Variants in INSR observed in about 807,000 individuals in gnomAD.
INSR encodes the protein insulin receptor, also known as IR.
A neutral mutation model predicts 142.6 loss-of-function variants in INSR; 67 were observed. That is an observed-to-expected ratio of 0.47 (90% CI 0.39 to 0.58). The LOEUF is 0.58. Ranked by LOEUF, INSR falls within the 20% of genes least tolerant of loss-of-function variation. The pLI is 0.00. For synonymous variants in INSR, 756 were observed against 743.1 expected (o/e 1.02, Z -0.28); for missense variants, 1,248 against 1,833.2 (o/e 0.68, Z 5.83).
intron 9 of INSR, among the ~76,000 whole-genome samples, chr19:7,153,221 ACGCAC>A (rs1973463993): frequency 5.4e-5 from 3 of 55,322 alleles, no homozygotes; most frequent in African/African-American, 1.0e-4. Flanking sequence ...CACCACACAC[ACGCAC>A]CACACACACA....
Position 7,114,369 on chromosome 19 carries a change from G to C in INSR, c.*2687C>G, listed in dbSNP as rs1054308877. On this transcript the variant is annotated 3_prime_UTR_variant, in exon 22 of 22. Coordinates refer to ENST00000302850, the MANE Select transcript of INSR (RefSeq NM_000208.4). ...TTACCCCATATATCAGATACATCATGACAGCCTGGAACTTAGTTTATGTTT... is the reference window on the plus strand; with the variant it reads ...TTACCCCATATATCAGATACATCATCACAGCCTGGAACTTAGTTTATGTTT... The C allele has an allele frequency of 3.9e-5, 6 of 152,194 alleles. No homozygotes were observed. The highest frequency in any genetic ancestry group is 1.4e-4 in the African/African-American group (6 of 41,438). 9.4% of individuals were successfully genotyped at this position (152,194 alleles called of 1,614,324 possible).
rs1178953100 is a variant in INSR, at chr19:7,270,339, T to TCACACACACA, written c.101-2453_101-2444dup. 2.0e-3 allele frequency among the ~76,000 whole-genome samples: 238 copies of TCACACACACA among 120,276 alleles called. 1 individual carries two copies. Among genetic ancestry groups the TCACACACACA allele is most frequent in the African/African-American group, 7.0e-3 (207 of 29,504 alleles). The allele number at this position is 120,276 out of a possible 152,430, so 78.9% of individuals were successfully genotyped here. On this transcript the variant is annotated intron_variant, in intron 1 of 21. Coordinates refer to ENST00000302850, the MANE Select transcript of INSR (RefSeq NM_000208.4). Reference sequence around the variant, plus strand: ...ATTTCTCTCTCTCTCTCTCTCTCTCTCACACACACACACACACACACACAC... The same window carrying TCACACACACA: ...ATTTCTCTCTCTCTCTCTCTCTCTCTCACACACACACACACACACACACACACACACACAC...
chr19:7,173,693 C>T (rs1974071701), intron 4 of INSR, among the ~76,000 whole-genome samples: 1 of 145,642 alleles, frequency 6.9e-6, no homozygotes, highest in Non-Finnish European at 1.5e-5. Flanking sequence ...GATCCCAGCT[C>T]ATTGCAACCT....
intron 2 of INSR, among the ~76,000 whole-genome samples, chr19:7,263,675 T>C (rs575963136): frequency 1.3e-5 from 2 of 152,294 alleles, no homozygotes; most frequent in Non-Finnish European, 2.9e-5. Context: ...AGCTTCGACC[T>C]CCTGGACACA....
At chr19:7,153,222 C>T (rs1182831651) in intron 9 of INSR, among the ~76,000 whole-genome samples, 3 of 906 alleles carry the variant, frequency 3.3e-3, no homozygotes, top group African/African-American at 4.5e-3. Flanking sequence ...ACCACACACA[C>T]GCACCACACA....
At chr19:7,272,880 A>G (rs1967964717) in intron 1 of INSR, among the ~76,000 whole-genome samples, 3 of 152,134 alleles carry the variant, frequency 2.0e-5, no homozygotes, top group Admixed American at 2.0e-4. Flanking sequence ...TCTCCATAAA[A>G]GAAGTCAAAC....
intron 2 of INSR, among the ~76,000 whole-genome samples, chr19:7,196,328 A>T (rs1974747354): frequency 6.6e-6 from 1 of 152,232 alleles, no homozygotes; most frequent in East Asian, 1.9e-4. Context: ...AGGGGAAAAA[A>T]ATGTATATAA....
chr19:7,179,298 T>G (rs577028685), intron 3 of INSR, among the ~76,000 whole-genome samples: 2 of 152,170 alleles, frequency 1.3e-5, no homozygotes, highest in Admixed American at 6.6e-5. Context: ...AGCCAGTTAG[T>G]CAGAAGTGTG....
chr19:7,242,734 C>CAAAAAAAAAAAA (rs71177186), intron 2 of INSR, among the ~76,000 whole-genome samples: 2 of 92,154 alleles, frequency 2.2e-5, no homozygotes, highest in Non-Finnish European at 1.9e-5. Context: ...GAGACTGCCT[C>CAAAAAAAAAAAA]AAAAAAAAAA....
chr19:7,264,240 G>A (rs1000824976), intron 2 of INSR, among the ~76,000 whole-genome samples: 6 of 151,798 alleles, frequency 4.0e-5, no homozygotes, highest in Admixed American at 2.0e-4. Flanking sequence ...GGCTGAGGCA[G>A]GAAAATTGCT....
intron 1 of INSR, among the ~76,000 whole-genome samples, chr19:7,284,690 G>T (rs897997355): frequency 6.6e-5 from 10 of 152,010 alleles, no homozygotes; most frequent in African/African-American, 2.2e-4. Context: ...CACCACACCT[G>T]GCTAATTTTT....
At chr19:7,232,825 C>T (rs1011760275) in intron 2 of INSR, among the ~76,000 whole-genome samples, 2 of 151,836 alleles carry the variant, frequency 1.3e-5, no homozygotes, top group African/African-American at 4.8e-5. Flanking sequence ...AAAAAAATTT[C>T]AGTTGCTAAA....
chr19:7,181,376 A>G lies in INSR; in HGVS notation c.974+2940T>C, dbSNP rs562025515. On this transcript the variant is annotated intron_variant, in intron 3 of 21. Transcript: ENST00000302850. Reference sequence around the variant, plus strand: ...TAGACAAATTTGAGACCTCAGCTTAATAGGAAGAAGTGAGAGAGGCCAAGA... The same window carrying G: ...TAGACAAATTTGAGACCTCAGCTTAGTAGGAAGAAGTGAGAGAGGCCAAGA... 6.6e-4 allele frequency among the ~76,000 whole-genome samples: 100 copies of G among 152,264 alleles called. 1 individual carries two copies. Among genetic ancestry groups the G allele is most frequent in the Middle Eastern group, 6.8e-3 (2 of 294 alleles).
chr19:7,177,191 A>C (rs1974153837), intron 3 of INSR, among the ~76,000 whole-genome samples: 1 of 152,148 alleles, frequency 6.6e-6, no homozygotes, highest in Non-Finnish European at 1.5e-5. Context: ...CAAGCTGAGC[A>C]CCACCTTCTA....
intron 9 of INSR, 92 bp downstream of exon 9, chr19:7,162,940 G>A: frequency 8.1e-7 from 1 of 1,237,930 alleles, no homozygotes; most frequent in Non-Finnish European, 1.2e-6. Context: ...TGAGACACAG[G>A]AAGAGATAGC....
At chr19:7,185,051 A>C (rs1218046094) in intron 2 of INSR, among the ~76,000 whole-genome samples, 4 of 152,248 alleles carry the variant, frequency 2.6e-5, no homozygotes, top group Non-Finnish European at 5.9e-5. Flanking sequence ...AAGTATACAC[A>C]AAATGTATCT....
chr19:7,247,738 GC>G (rs1976579342), intron 2 of INSR, among the ~76,000 whole-genome samples: 1 of 152,134 alleles, frequency 6.6e-6, no homozygotes, highest in Non-Finnish European at 1.5e-5. Flanking sequence ...ACAGATATAG[GC>G]TTCAAATGCA....
intron 2 of INSR, among the ~76,000 whole-genome samples, chr19:7,234,071 A>AT (rs1029413080): frequency 3.3e-5 from 5 of 151,414 alleles, no homozygotes; most frequent in East Asian, 1.9e-4. Flanking sequence ...TGTCCAGCTA[A>AT]TTTTTTTTAT....
chr19:7,155,812 G>C (rs1973575506), intron 9 of INSR, among the ~76,000 whole-genome samples: 1 of 151,626 alleles, frequency 6.6e-6, no homozygotes, highest in African/African-American at 2.4e-5. Context: ...TACTCAGGAG[G>C]CTGAGGTAGG....
Sources: allele counts gnomAD v4.1 joint callset (sites outside exome capture counted in the v4.1 genomes callset), GRCh38; gene constraint gnomAD v4.1.1; transcripts MANE v1.5; gene names NCBI Gene and HGNC (gene_info 2026-07-23, HGNC 2026-07-21).